Variants in XRN1 observed in about 807,000 individuals in gnomAD.
The protein encoded by XRN1 is 5'-3' exoribonuclease 1.
XRN1 carries 67 observed loss-of-function variants against 222.3 expected under a neutral mutation model. That is an observed-to-expected ratio of 0.30 (90% CI 0.25 to 0.37). The LOEUF is 0.37. Ranked by LOEUF, XRN1 falls within the 10% of genes least tolerant of loss-of-function variation. The pLI is 1.00. For synonymous variants in XRN1, 643 were observed against 652.4 expected, an observed-to-expected ratio of 0.99 and a Z score of 0.22; for missense variants, 1,707 against 2,000.2, an observed-to-expected ratio of 0.85 and a Z score of 2.80.
intron 1 of XRN1, among the ~76,000 whole-genome samples, chr3:142,445,256 G>C (rs551341675): frequency 1.1e-4 from 17 of 151,028 alleles, no homozygotes; most frequent in South Asian, 6.3e-4. Context: ...TTTCATAATT[G>C]ATACACGTTG....
intron 5 of XRN1, among the ~76,000 whole-genome samples, chr3:142,423,878 C>T (rs184983863): frequency 8.3e-4 from 126 of 152,272 alleles, no homozygotes; most frequent in South Asian, 1.4e-3. Flanking sequence ...ACCCTATCCC[C>T]TGTCCCCTCT....
rs767841934 is a variant in XRN1 at position 142,375,933 on chromosome 3, TCTC to T, written c.2840_2842del (p.Gly947del). ...ATTTAAACCCACATTTGCTTTATGGTCTCCATGAGGGCTGAATTTAAACCACAC... is the reference window on the plus strand; with the variant it reads ...ATTTAAACCCACATTTGCTTTATGGTCATGAGGGCTGAATTTAAACCACAC... On this transcript the variant is annotated inframe_deletion, in exon 25 of 41. Coordinates refer to ENST00000392981, the MANE Select transcript of XRN1 (RefSeq NM_001282857.2). The T allele has an allele frequency of 6.2e-7, 1 of 1,613,148 alleles. No individual in the cohort carries two copies. Among genetic ancestry groups the T allele is most frequent in the East Asian group, 2.2e-5 (1 of 44,848 alleles).
intron 12 of XRN1, among the ~76,000 whole-genome samples, 179 bp from the exon 13 acceptor site, chr3:142,417,408 T>C (rs1161417369): frequency 2.0e-5 from 3 of 152,244 alleles, no homozygotes; most frequent in African/African-American, 7.2e-5. Context: ...AATTACATCC[T>C]GTCACATGAC....
In XRN1 at chr3:142,309,422, T is replaced by G. The variant is rs2065034324; in HGVS notation, c.*2089A>C. 2.0e-5 allele frequency: 3 copies of G among 152,200 alleles called. No individual in the cohort carries two copies. In the East Asian group the frequency reaches 5.8e-4, roughly 30 times the overall value. 9.4% of individuals were successfully genotyped at this position (152,200 alleles called of 1,614,324 possible). ...TATTTTTAGTAGAGACAGGGCTTCA[T>G]CATGTTGGCCAGGCTTGTCTGGAAC... On this transcript the variant is annotated 3_prime_UTR_variant, in exon 41 of 41. Transcript: ENST00000392981.
At position 142,426,855 on chromosome 3, in the gene XRN1, G is replaced by A; in HGVS notation, c.309-14C>T. 2 of 1,605,424 alleles carry A rather than the reference G, an allele frequency of 1.2e-6. No individual in the cohort carries two copies. The highest frequency in any genetic ancestry group is 1.7e-6 in the Non-Finnish European group (2 of 1,176,034). On this transcript the variant is annotated splice_polypyrimidine_tract_variant and intron_variant, in intron 2 of 40. Coordinates refer to ENST00000392981, the MANE Select transcript of XRN1 (RefSeq NM_001282857.2). ...TCCTTTGCTGACCTTAAAGGTTAAG[G>A]GAAAAAAGTACCTTAAGTTTTCTGA...
At chr3:142,357,988 A>G (rs888320209) in intron 30 of XRN1, among the ~76,000 whole-genome samples, 8 of 152,166 alleles carry the variant, frequency 5.3e-5, no homozygotes, top group African/African-American at 1.9e-4. Flanking sequence ...CAGTGAGCCA[A>G]GATTGCACCA....
At chr3:142,408,230 A>G (rs1055430269) in intron 15 of XRN1, among the ~76,000 whole-genome samples, 2 of 152,242 alleles carry the variant, frequency 1.3e-5, no homozygotes, top group Admixed American at 1.3e-4. Context: ...CTAAAGAATA[A>G]GCGAAGTAAT....
chr3:142,310,976 A>G lies in XRN1; in HGVS notation c.*535T>C, dbSNP rs1459638889. On this transcript the variant is annotated 3_prime_UTR_variant, in exon 41 of 41. Transcript: ENST00000392981. ...GCAGGTCTAAAGACCCTCAGAGGCA[A>G]CAAAGCATAAGTTAAAACACACATA... 2 of 152,762 alleles carry G rather than the reference A, an allele frequency of 1.3e-5. No individual in the cohort carries two copies. Among genetic ancestry groups the G allele is most frequent in the East Asian group, 3.8e-4 (2 of 5,206 alleles). The allele number at this position is 152,762 out of a possible 1,614,324, so 9.5% of individuals were successfully genotyped here. A position where few individuals can be genotyped will look rare whatever the true frequency, so the allele number is the denominator to read the frequency against.
intron 32 of XRN1, among the ~76,000 whole-genome samples, chr3:142,353,528 G>C (rs538911756): frequency 6.6e-6 from 1 of 152,086 alleles, no homozygotes; most frequent in Non-Finnish European, 1.5e-5. Context: ...GAAATAAAAT[G>C]GCATACTTAC....
At chr3:142,438,085 C>T (rs1175082912) in intron 1 of XRN1, among the ~76,000 whole-genome samples, 3 of 152,228 alleles carry the variant, frequency 2.0e-5, no homozygotes, top group East Asian at 3.8e-4. Flanking sequence ...AACCCTCATA[C>T]ACTGTTGGCA....
chr3:142,328,350 C>T (rs1201760350), intron 37 of XRN1, among the ~76,000 whole-genome samples: 2 of 151,988 alleles, frequency 1.3e-5, no homozygotes, highest in African/African-American at 2.4e-5. Flanking sequence ...TTTTCATTTG[C>T]TTCAGGAAAA....
intron 20 of XRN1, among the ~76,000 whole-genome samples, chr3:142,390,863 A>C (rs1298902859): frequency 6.6e-6 from 1 of 152,156 alleles, no homozygotes; most frequent in African/African-American, 2.4e-5. Flanking sequence ...TTGACTACTT[A>C]AGAGGACATT....
intron 33 of XRN1, among the ~76,000 whole-genome samples, chr3:142,339,117 G>A (rs750373848): frequency 1.2e-4 from 18 of 152,094 alleles, no homozygotes; most frequent in Non-Finnish European, 2.4e-4. Flanking sequence ...CAGGTATGGC[G>A]GGCTGTGGGC....
intron 27 of XRN1, among the ~76,000 whole-genome samples, chr3:142,366,704 A>G (rs1349898840): frequency 1.3e-5 from 2 of 152,224 alleles, no homozygotes; most frequent in African/African-American, 4.8e-5. Context: ...ACAGCCGACT[A>G]GATGCACTAA....
At chr3:142,351,113 G>A (rs2066292114) in intron 32 of XRN1, among the ~76,000 whole-genome samples, 1 of 151,908 alleles carries the variant, frequency 6.6e-6, no homozygotes, top group Non-Finnish European at 1.5e-5. Flanking sequence ...CTATCTATCT[G>A]TCTATAATTA....
chr3:142,372,106 ACAAGCAGTTATACTGT>A (rs1266695329), intron 25 of XRN1, among the ~76,000 whole-genome samples: 1 of 152,134 alleles, frequency 6.6e-6, no homozygotes, highest in Non-Finnish European at 1.5e-5. Context: ...AGTTTGTATA[ACAAGCAGTTATACTGT>A]CATGTGGTTG....
intron 20 of XRN1, among the ~76,000 whole-genome samples, chr3:142,388,551 G>A (rs1415121396): frequency 6.6e-6 from 1 of 152,186 alleles, no homozygotes; most frequent in Admixed American, 6.5e-5. Flanking sequence ...GCTATTAGTA[G>A]TTAACTTTTT....
chr3:142,403,813 C>T, intron 17 of XRN1, 41 bp from the exon 18 acceptor site: 6 of 1,610,392 alleles, frequency 3.7e-6, no homozygotes, highest in Non-Finnish European at 5.1e-6. Flanking sequence ...ATTCTTTCTC[C>T]ATAATCACTT....
At chr3:142,428,241 A>G (rs1049237592) in intron 2 of XRN1, among the ~76,000 whole-genome samples, 8 of 151,918 alleles carry the variant, frequency 5.3e-5, no homozygotes, top group African/African-American at 1.9e-4. Context: ...AAAAATACAA[A>G]AAGAATTAGC....
Sources: allele counts gnomAD v4.1 joint callset (sites outside exome capture counted in the v4.1 genomes callset), GRCh38; gene constraint gnomAD v4.1.1; transcripts MANE v1.5; gene names NCBI Gene and HGNC (gene_info 2026-07-23, HGNC 2026-07-21).